KIAA1217: variants seen among roughly 807,000 people sequenced by gnomAD.
KIAA1217 encodes the protein sickle tail protein homolog.
KIAA1217 carries 88 observed loss-of-function variants against 163.9 expected under a neutral mutation model. The ratio of observed to expected loss-of-function variants is 0.54; its 90% CI spans 0.45 to 0.64. The LOEUF (loss-of-function observed/expected upper bound fraction) is 0.64, where lower values mean the gene tolerates loss of function less well. KIAA1217 is among the 30% of genes least tolerant of loss of function. The pLI is 0.00. For synonymous variants in KIAA1217, 903 were observed against 923.1 expected, an observed-to-expected ratio of 0.98 and a Z score of 0.39; for missense variants, 2,372 against 2,475.0, an observed-to-expected ratio of 0.96 and a Z score of 0.88.
intron 2 of KIAA1217, among the ~76,000 whole-genome samples, chr10:24,337,912 G>A (rs140680626): frequency 9.5e-4 from 144 of 152,068 alleles, no homozygotes; most frequent in African/African-American, 3.3e-3. Context: ...CAAAATGCTG[G>A]GATTCCAGGC....
At chr10:24,238,351 A>G (rs966119743) in intron 2 of KIAA1217, among the ~76,000 whole-genome samples, 3 of 152,198 alleles carry the variant, frequency 2.0e-5, no homozygotes, top group African/African-American at 7.2e-5. Context: ...CCTAGTGGTC[A>G]GCAGTCTTAG....
At chr10:23,797,100 C>T (rs1836243380) in intron 1 of KIAA1217, among the ~76,000 whole-genome samples, 1 of 152,160 alleles carries the variant, frequency 6.6e-6, no homozygotes, top group South Asian at 2.1e-4. Flanking sequence ...AAGCGATCCC[C>T]CTGCTTTGGC....
intron 2 of KIAA1217, among the ~76,000 whole-genome samples, chr10:24,344,847 A>C (rs189112017): frequency 1.4e-3 from 220 of 152,300 alleles, no homozygotes; most frequent in Non-Finnish European, 2.4e-3. Context: ...ATCTTGAATT[A>C]AAACAGACTG....
Position 24,473,877 on chromosome 10 carries a change from T to C in KIAA1217, c.1496T>C (p.Met499Thr), listed in dbSNP as rs750026081. Residue 499 changes from methionine to threonine, a missense_variant, in exon 6 of 21, where the codon ATG (methionine) becomes ACG (threonine). Coordinates refer to ENST00000376454, the MANE Select transcript of KIAA1217 (RefSeq NM_019590.5). ...AATGCCCACGGCCCCCCTCACACCA[T>C]GCAGCCAGACCGGGCCTCTCCGAGC... ...HYNAHGPPHTMQPDRASPSRQ... is the reference protein window; with the variant it reads ...HYNAHGPPHTTQPDRASPSRQ... 4 of 1,613,962 alleles carry C rather than the reference T, an allele frequency of 2.5e-6. No individual in the cohort carries two copies. In the Admixed American group the frequency reaches 6.7e-5, roughly 27 times the overall value.
At chr10:24,247,689 T>A (rs1189957519) in intron 2 of KIAA1217, among the ~76,000 whole-genome samples, 3 of 152,038 alleles carry the variant, frequency 2.0e-5, no homozygotes, top group Non-Finnish European at 4.4e-5. Flanking sequence ...TAGTCCCAGC[T>A]ACTCAGGAGG....
rs537195788 is a variant in KIAA1217, at chr10:24,239,981, T to C, written c.354+20072T>C. Among the ~76,000 whole-genome samples the C allele has an allele frequency of 4.6e-5, 7 of 152,232 alleles. No homozygotes were observed. The South Asian group carries it at 1.0e-3, about 23-fold the overall frequency. ...GCAGGATTTCTAAATTCCAAGAAGA[T>C]AGATAAAGACTTCTTGGAGGAAGGT... On this transcript the variant is annotated intron_variant, in intron 2 of 20. Transcript: ENST00000376454.
intron 1 of KIAA1217, among the ~76,000 whole-genome samples, chr10:23,831,175 C>T (rs758400085): frequency 4.6e-5 from 7 of 151,718 alleles, no homozygotes; most frequent in Non-Finnish European, 1.0e-4. Context: ...TTAAAGAGTT[C>T]AAACAGGGGA....
intron 2 of KIAA1217, among the ~76,000 whole-genome samples, chr10:24,372,055 G>A (rs1283007872): frequency 2.0e-5 from 3 of 152,258 alleles, no homozygotes; most frequent in Admixed American, 2.0e-4. Context: ...CTCCTGGAGT[G>A]GGGAGGCAGG....
At chr10:24,222,397 G>A (rs2069779987) in intron 2 of KIAA1217, among the ~76,000 whole-genome samples, 1 of 152,182 alleles carries the variant, frequency 6.6e-6, no homozygotes, top group African/African-American at 2.4e-5. Context: ...AACAGGAAAG[G>A]GGTCCTGATC....
intron 2 of KIAA1217, among the ~76,000 whole-genome samples, chr10:24,153,516 T>C (rs2064722491): frequency 6.6e-6 from 1 of 152,268 alleles, no homozygotes; most frequent in Admixed American, 6.5e-5. Context: ...TTCTTACTAA[T>C]GTACACATAC....
At chr10:23,989,472 G>A (rs1846121724) in intron 1 of KIAA1217, among the ~76,000 whole-genome samples, 1 of 152,188 alleles carries the variant, frequency 6.6e-6, no homozygotes, top group Admixed American at 6.5e-5. Flanking sequence ...AACTTAGCAA[G>A]GCCTGTGTGT....
intron 2 of KIAA1217, among the ~76,000 whole-genome samples, chr10:24,317,308 AG>A (rs1177591724): frequency 1.2e-4 from 18 of 152,124 alleles, no homozygotes; most frequent in African/African-American, 4.3e-4. Context: ...TTTTTCAGCC[AG>A]GGTCCTGCTA....
In KIAA1217 at chr10:24,410,276, G is replaced by A. The variant is rs533648508; in HGVS notation, c.554-22719G>A. ...CTCCCAAAGTGCTGGGATTACAGGT[G>A]TGAGTCACCATGCCTGGCCTATACC... On this transcript the variant is annotated intron_variant, in intron 3 of 20. Transcript: ENST00000376454. 6.6e-5 allele frequency among the ~76,000 whole-genome samples: 10 copies of A among 152,326 alleles called. No homozygotes were observed. In the East Asian group the frequency reaches 1.5e-3, roughly 23 times the overall value.
chr10:24,050,684 C>T (rs1004018510), intron 2 of KIAA1217, among the ~76,000 whole-genome samples: 1 of 152,100 alleles, frequency 6.6e-6, no homozygotes, highest in African/African-American at 2.4e-5. Context: ...GGTACCAGTA[C>T]CATGCTGTTT....
At chr10:23,807,142 C>A (rs961420653) in intron 1 of KIAA1217, among the ~76,000 whole-genome samples, 2 of 152,222 alleles carry the variant, frequency 1.3e-5, no homozygotes, top group African/African-American at 4.8e-5. Flanking sequence ...TGGTATGAAG[C>A]TCAGCGATTC....
Position 24,182,438 on chromosome 10 carries a change from TCACACACACACA to T in KIAA1217, c.-170-37165_-170-37154del, listed in dbSNP as rs3222547. Among the ~76,000 whole-genome samples, 5 of 144,972 alleles carry T rather than the reference TCACACACACACA, an allele frequency of 3.4e-5. No individual in the cohort carries two copies. In the East Asian group the frequency reaches 8.1e-4, roughly 23 times the overall value. ...ACCTGGATGACAGAGCAAGACTCCA[TCACACACACACA>T]CACACACACACACACACACACAGAC... On this transcript the variant is annotated intron_variant, in intron 2 of 18. Coordinates refer to the KIAA1217 transcript ENST00000376462.
chr10:24,118,935 CTTTG>C (rs1004883168), intron 2 of KIAA1217, among the ~76,000 whole-genome samples: 2 of 151,912 alleles, frequency 1.3e-5, no homozygotes, highest in Non-Finnish European at 2.9e-5. Flanking sequence ...AGTACTTTGT[CTTTG>C]TTTTTTTTTC....
chr10:23,819,844 C>A (rs1490676448), intron 1 of KIAA1217, among the ~76,000 whole-genome samples: 1 of 152,098 alleles, frequency 6.6e-6, no homozygotes, highest in African/African-American at 2.4e-5. Flanking sequence ...TTCAGTGCCA[C>A]CTGAGTCATT....
chr10:24,217,619 G>C (rs1359302523), intron 1 of KIAA1217, among the ~76,000 whole-genome samples: 1 of 152,116 alleles, frequency 6.6e-6, no homozygotes, highest in Non-Finnish European at 1.5e-5. Context: ...ATCTTTCTAG[G>C]CAAAGACAAG....
Sources: gnomAD v4.1 joint callset for allele counts (sites outside exome capture counted in the v4.1 genomes callset) on GRCh38, gnomAD v4.1.1 for gene constraint, MANE v1.5 for transcripts, NCBI Gene and HGNC (gene_info 2026-07-23, HGNC 2026-07-21) for gene names.